CPA6: variants seen among roughly 807,000 people sequenced by gnomAD.
CPA6 encodes the protein carboxypeptidase A6, also known as carboxypeptidase B.
A neutral mutation model predicts 63.3 loss-of-function variants in CPA6; 58 were observed. The observed-to-expected ratio is 0.92, with a 90% CI of 0.74 to 1.14. The LOEUF is 1.14. Among genes scored for constraint, CPA6 ranks in the 50% most tolerant of loss-of-function variants. The pLI is 0.00. For synonymous variants in CPA6, 185 were observed against 179.0 expected, an observed-to-expected ratio of 1.03 and a Z score of -0.27; for missense variants, 565 against 526.6, an observed-to-expected ratio of 1.07 and a Z score of -0.71.
At chr8:67,610,364 C>A (rs1175424716) in intron 2 of CPA6, among the ~76,000 whole-genome samples, 3 of 151,806 alleles carry the variant, frequency 2.0e-5, no homozygotes, top group African/African-American at 7.3e-5. Context: ...CAGGCCGAGA[C>A]TCTTTTTCTC....
intron 8 of CPA6, among the ~76,000 whole-genome samples, chr8:67,456,558 C>T (rs555946886): frequency 1.3e-5 from 2 of 152,322 alleles, no homozygotes; most frequent in South Asian, 4.1e-4. Flanking sequence ...TGCTAAAATG[C>T]AAATCTTACC....
At chr8:67,670,220 T>C (rs115367582) in intron 1 of CPA6, among the ~76,000 whole-genome samples, 6,132 of 152,234 alleles carry the variant, frequency 0.04, 209 homozygotes, top group African/African-American at 0.085. Flanking sequence ...CCGCAGGCTG[T>C]ACAGGAAACA....
intron 1 of CPA6, among the ~76,000 whole-genome samples, chr8:67,653,306 G>A (rs1015973298): frequency 2.0e-5 from 3 of 152,080 alleles, no homozygotes; most frequent in Admixed American, 6.5e-5. Flanking sequence ...GATGGGGAGG[G>A]CAATGAATCT....
intron 1 of CPA6, among the ~76,000 whole-genome samples, chr8:67,629,075 A>T (rs1479510551): frequency 6.6e-6 from 1 of 152,210 alleles, no homozygotes; most frequent in Non-Finnish European, 1.5e-5. Context: ...AGATCATGCC[A>T]CTGCACTCCA....
At chr8:67,731,134 A>G (rs1275517866) in intron 1 of CPA6, among the ~76,000 whole-genome samples, 1 of 152,136 alleles carries the variant, frequency 6.6e-6, no homozygotes, top group Non-Finnish European at 1.5e-5. Flanking sequence ...CTTTTTTCTT[A>G]TTAAGATTCC....
At chr8:67,735,665 A>G (rs1817797394) in intron 1 of CPA6, 1 of 138,244 alleles carries the variant, frequency 7.2e-6, no homozygotes. Flanking sequence ...AGAAATACAA[A>G]TTAGTGGCAG....
chr8:67,654,687 T>C (rs1020617400), intron 1 of CPA6, among the ~76,000 whole-genome samples: 2 of 152,192 alleles, frequency 1.3e-5, no homozygotes, highest in Non-Finnish European at 2.9e-5. Context: ...GGGCAACCGA[T>C]GAAGAGAGTT....
intron 8 of CPA6, among the ~76,000 whole-genome samples, chr8:67,440,281 T>C (rs1451251275): frequency 6.6e-6 from 1 of 152,018 alleles, no homozygotes; most frequent in Non-Finnish European, 1.5e-5. Flanking sequence ...GAAAGACATA[T>C]GTTCTGAGGC....
At chr8:67,602,842 A>G (rs569886507) in intron 2 of CPA6, among the ~76,000 whole-genome samples, 6 of 152,348 alleles carry the variant, frequency 3.9e-5, no homozygotes, top group Middle Eastern at 3.4e-3. Flanking sequence ...TAAATACCGC[A>G]TGTCATTTCT....
chr8:67,484,670 G>A lies in CPA6; in HGVS notation c.747+9C>T, dbSNP rs752766085. On this transcript the variant is annotated intron_variant, in intron 7 of 10. Transcript: ENST00000297770. Reference sequence around the variant, plus strand: ...TCCTCTTTTCAACTGGGTAGGCAAAGTGACTTACATTGGTCCAACTAAAAT... The same window carrying A: ...TCCTCTTTTCAACTGGGTAGGCAAAATGACTTACATTGGTCCAACTAAAAT... 1.4e-6 allele frequency: 2 copies of A among 1,420,048 alleles called. No homozygotes were observed. The highest frequency in any genetic ancestry group is 2.8e-5 in the African/African-American group (2 of 70,688). The allele number at this position is 1,420,048 out of a possible 1,614,324, so 88.0% of individuals were successfully genotyped here.
rs1336786176 is a variant in CPA6, at chr8:67,715,318, C to A, written c.116+30696G>T. Reference sequence around the variant, plus strand: ...GCTATAAACTGGGGGTTCCCATGACCCCCTTCTTAGGTTCCATAATTTGCT... The same window carrying A: ...GCTATAAACTGGGGGTTCCCATGACACCCTTCTTAGGTTCCATAATTTGCT... On this transcript the variant is annotated intron_variant, in intron 1 of 10. Coordinates refer to ENST00000297770, the MANE Select transcript of CPA6 (RefSeq NM_020361.5). Among the ~76,000 whole-genome samples, 5 of 152,202 alleles carry A rather than the reference C, an allele frequency of 3.3e-5. No homozygotes were observed. The South Asian group carries it at 1.0e-3, about 31-fold the overall frequency.
chr8:67,630,820 A>G (rs1263270231), intron 1 of CPA6, among the ~76,000 whole-genome samples: 1 of 152,112 alleles, frequency 6.6e-6, no homozygotes, highest in Non-Finnish European at 1.5e-5. Flanking sequence ...CACTTTGATC[A>G]GCCAGCTGGC....
intron 2 of CPA6, among the ~76,000 whole-genome samples, chr8:67,611,771 T>C (rs777766271): frequency 2.5e-4 from 38 of 152,320 alleles, no homozygotes; most frequent in Middle Eastern, 3.4e-3. Flanking sequence ...ACTTACTCTC[T>C]GGCAAGTTTT....
intron 3 of CPA6, among the ~76,000 whole-genome samples, chr8:67,515,476 T>C (rs374211068): frequency 2.0e-5 from 3 of 152,254 alleles, no homozygotes; most frequent in South Asian, 4.1e-4. Flanking sequence ...TTTGTGGCTT[T>C]CTATTCCCAT....
chr8:67,564,762 G>A (rs1813297508), intron 2 of CPA6, among the ~76,000 whole-genome samples: 1 of 151,956 alleles, frequency 6.6e-6, no homozygotes, highest in Admixed American at 6.6e-5. Context: ...TTTTAATTAG[G>A]GATTAATATT....
intron 1 of CPA6, among the ~76,000 whole-genome samples, chr8:67,654,652 A>C (rs548732549): frequency 3.3e-5 from 5 of 152,134 alleles, no homozygotes; most frequent in African/African-American, 1.2e-4. Flanking sequence ...CTTTTATAAC[A>C]TAACATGGGT....
intron 2 of CPA6, among the ~76,000 whole-genome samples, chr8:67,535,900 G>A (rs967856095): frequency 1.3e-5 from 2 of 152,122 alleles, no homozygotes; most frequent in Non-Finnish European, 2.9e-5. Flanking sequence ...TAAGGAAAGG[G>A]TCCAGTTTCA....
intron 1 of CPA6, among the ~76,000 whole-genome samples, chr8:67,713,099 G>GTGTGTGTGTGTATATATATATATATA (rs1328463977): frequency 1.8e-5 from 1 of 55,026 alleles, no homozygotes. Flanking sequence ...GTGTGTGTGT[G>GTGTGTGTGTGTATATATATATATATA]TATATATATA....
chr8:67,539,755 A>C (rs1812665197), intron 2 of CPA6, among the ~76,000 whole-genome samples: 1 of 151,902 alleles, frequency 6.6e-6, no homozygotes, highest in South Asian at 2.1e-4. Flanking sequence ...GTTGATCTTC[A>C]ATCTCTGGTA....
Sources: gnomAD v4.1 joint callset for allele counts (sites outside exome capture counted in the v4.1 genomes callset) on GRCh38, gnomAD v4.1.1 for gene constraint, MANE v1.5 for transcripts, NCBI Gene and HGNC (gene_info 2026-07-23, HGNC 2026-07-21) for gene names.